NAA15: variants seen among roughly 807,000 people sequenced by gnomAD.
NAA15 encodes the protein N-alpha-acetyltransferase 15, NatA auxiliary subunit.
In NAA15, 34 loss-of-function variants were observed where a neutral mutation model predicts 114.0. The observed-to-expected ratio is 0.30, with a 90% CI of 0.23 to 0.40. The LOEUF is 0.40. NAA15 is among the 10% of genes least tolerant of loss of function. NAA15 has a pLI of 1.00. For missense variants in NAA15, 658 were observed against 1,004.5 expected, an observed-to-expected ratio of 0.66 and a Z score of 4.66; for synonymous variants, 340 against 338.0, an observed-to-expected ratio of 1.01 and a Z score of -0.06.
At chr4:139,340,542 T>C (rs1053126833) in intron 3 of NAA15, among the ~76,000 whole-genome samples, 2 of 152,180 alleles carry the variant, frequency 1.3e-5, no homozygotes, top group Non-Finnish European at 2.9e-5. Flanking sequence ...TGTTTACATA[T>C]ATATATATTG....
At chr4:139,304,479 C>T (rs1314334697) in intron 1 of NAA15, among the ~76,000 whole-genome samples, 1 of 152,178 alleles carries the variant, frequency 6.6e-6, no homozygotes, top group Admixed American at 6.5e-5. Flanking sequence ...TTTCAGGATC[C>T]CGCGAGATTC....
rs35008407 is a variant in NAA15 at position 139,385,283 on chromosome 4, A to AATAT, written c.2302+319_2302+322dup. On this transcript the variant is annotated intron_variant, in intron 18 of 19. Coordinates refer to ENST00000296543, the MANE Select transcript of NAA15 (RefSeq NM_057175.5). Reference sequence around the variant, plus strand: ...AACAAAACCAAACATATATATATATAATATATATATATATATAATATATAT... The same window carrying AATAT: ...AACAAAACCAAACATATATATATATAATATATATATATATATATATAATATATAT... 8.9e-3 allele frequency among the ~76,000 whole-genome samples: 895 copies of AATAT among 100,308 alleles called. 35 individuals carry two copies. Among genetic ancestry groups the AATAT allele is most frequent in the South Asian group, 0.026 (96 of 3,660 alleles). The allele number at this position is 100,308 out of a possible 152,430, so 65.8% of individuals were successfully genotyped here.
rs1214615892 is a variant in NAA15 at position 139,389,220 on chromosome 4, A to G, written c.*1136A>G. The stretch of plus-strand genomic sequence containing the variant: ...TTTTTTTTTTTTTTTTTTTTTTCAA[A>G]TAACAGACCAGCTTCTTTTTCTTGC... On this transcript the variant is annotated 3_prime_UTR_variant, in exon 20 of 20. Transcript: ENST00000296543. 6.7e-6 allele frequency: 1 copy of G among 148,424 alleles called. No individual in the cohort carries two copies. Among genetic ancestry groups the G allele is most frequent in the Non-Finnish European group, 1.5e-5 (1 of 67,304 alleles). The allele number at this position is 148,424 out of a possible 1,614,324, so 9.2% of individuals were successfully genotyped here.
At chr4:139,382,613 C>T (rs186186502) in intron 17 of NAA15, among the ~76,000 whole-genome samples, 2 of 152,188 alleles carry the variant, frequency 1.3e-5, no homozygotes, top group East Asian at 1.9e-4. Flanking sequence ...AATGTCATTG[C>T]AGTTGGCTGT....
At chr4:139,346,554 A>AT (rs35062126) in intron 6 of NAA15, among the ~76,000 whole-genome samples, 2,726 of 148,188 alleles carry the variant, frequency 0.018, 34 homozygotes, top group African/African-American at 0.026. Context: ...CAAAAAAAAA[A>AT]TTTTTTTTTT....
chr4:139,312,632 TCG>T (rs1746259175), intron 1 of NAA15, among the ~76,000 whole-genome samples: 1 of 151,754 alleles, frequency 6.6e-6, no homozygotes, highest in Non-Finnish European at 1.5e-5. Context: ...TCTCTTGAAG[TCG>T]GGAGTTTGAG....
At chr4:139,367,716 TA>T (rs914073876) in intron 14 of NAA15, among the ~76,000 whole-genome samples, 1 of 152,202 alleles carries the variant, frequency 6.6e-6, no homozygotes, top group Non-Finnish European at 1.5e-5. Flanking sequence ...CCTCTTGACA[TA>T]TTTTTTGATC....
intron 16 of NAA15, among the ~76,000 whole-genome samples, chr4:139,377,035 A>G (rs1419718421): frequency 2.0e-5 from 3 of 152,206 alleles, no homozygotes; most frequent in Non-Finnish European, 2.9e-5. Flanking sequence ...TGCTTAGAAT[A>G]TATATGTAGT....
At chr4:139,359,099 C>T (rs1748055234) in intron 11 of NAA15, among the ~76,000 whole-genome samples, 2 of 150,852 alleles carry the variant, frequency 1.3e-5, no homozygotes, top group Admixed American at 6.6e-5. Context: ...AGTGAGACTC[C>T]CATCTCAAAA....
chr4:139,304,165 G>A (rs556639560), intron 1 of NAA15, among the ~76,000 whole-genome samples: 4 of 152,312 alleles, frequency 2.6e-5, no homozygotes, highest in South Asian at 2.1e-4. Flanking sequence ...TGATCCGCCC[G>A]CCTCGGCCTT....
In NAA15 at chr4:139,354,016, T is replaced by A; in HGVS notation, c.1015-10T>A. On this transcript the variant is annotated splice_polypyrimidine_tract_variant and intron_variant, in intron 9 of 19. Coordinates refer to ENST00000296543, the MANE Select transcript of NAA15 (RefSeq NM_057175.5). ...TTCTATTAAAGTGTGTTTGTGTGTT[T>A]GTACTCTAGGTGGCAATCATAGAAG... is the stretch of plus-strand genomic sequence containing the variant. The A allele has an allele frequency of 6.2e-7, 1 of 1,608,180 alleles. No individual in the cohort carries two copies. Among genetic ancestry groups the A allele is most frequent in the Non-Finnish European group, 8.5e-7 (1 of 1,176,532 alleles).
intron 9 of NAA15, 50 bp downstream of exon 9, chr4:139,351,661 A>G (rs1323422965): frequency 2.1e-6 from 2 of 932,728 alleles, no homozygotes; most frequent in Non-Finnish European, 3.5e-6. Context: ...TTTGCTCGGT[A>G]TTTGGAATTA....
chr4:139,336,714 C>T (rs1747212365), intron 2 of NAA15, 134 bp from the exon 3 acceptor site: 1 of 440,808 alleles, frequency 2.3e-6, no homozygotes, highest in Non-Finnish European at 3.8e-6. Context: ...TGGAAAGTAT[C>T]TTAGTAATCT....
chr4:139,362,698 C>T (rs1174789879), intron 14 of NAA15, among the ~76,000 whole-genome samples: 1 of 152,110 alleles, frequency 6.6e-6, no homozygotes, highest in Non-Finnish European at 1.5e-5. Context: ...TGCACAGTGA[C>T]TTATCATTTG....
Position 139,357,482 on chromosome 4 carries a change from A to T in NAA15, c.1184A>T (p.Glu395Val). The change falls in exon 11 of 20, where the codon GAG becomes GTG. Residue 395 changes from glutamate (E) to valine (V), a missense_variant. Physicochemically the swap from Glu to Val is moderately radical, Grantham distance 121. Transcript: ENST00000296543. ...DKIGQPSIAL[E>V]YINTAIESTP... ...ATTGGTCAGCCATCTATTGCTTTGG[A>T]GTACATAAATACTGCTATTGAAAGT... The T allele has an allele frequency of 6.2e-7, 1 of 1,613,194 alleles. No homozygotes were observed. Among genetic ancestry groups the T allele is most frequent in the Non-Finnish European group, 8.5e-7 (1 of 1,179,202 alleles).
At position 139,344,291 on chromosome 4, in the gene NAA15, A is replaced by G; in HGVS notation, c.643A>G (p.Thr215Ala). 1.2e-6 allele frequency: 2 copies of G among 1,612,128 alleles called. No individual in the cohort carries two copies. Among genetic ancestry groups the G allele is most frequent in the Non-Finnish European group, 1.7e-6 (2 of 1,179,208 alleles). ...TAGAGAAGCTTTGGAACATCTTTGT[A>G]CCTATGAAAAGCAGATTTGTGATAA... ...LYREALEHLC[T>A]YEKQICDKLA... The change falls in exon 6 of 20, where the codon ACC becomes GCC. Residue 215 changes from threonine (T) to alanine (A), a missense_variant. Thr to Ala is a moderately conservative substitution (Grantham distance 58). Coordinates refer to ENST00000296543, the MANE Select transcript of NAA15 (RefSeq NM_057175.5).
Position 139,301,629 on chromosome 4 carries a change from T to G in NAA15, c.-149T>G. On this transcript the variant is annotated 5_prime_UTR_variant, in exon 1 of 20. Transcript: ENST00000296543. The stretch of plus-strand genomic sequence containing the variant: ...AACGAGGAAAAAGGAGGTGTCCGGG[T>G]AGGGCAACGCGGCGACACCCGAGGC... 1 of 796,350 alleles carries G rather than the reference T, an allele frequency of 1.3e-6. No individual in the cohort carries two copies. Among genetic ancestry groups the G allele is most frequent in the Non-Finnish European group, 2.0e-6 (1 of 506,932 alleles). The allele number at this position is 796,350 out of a possible 1,614,324, so 49.3% of individuals were successfully genotyped here.
intron 17 of NAA15, among the ~76,000 whole-genome samples, chr4:139,380,969 T>C (rs776195345): frequency 6.6e-6 from 1 of 152,220 alleles, no homozygotes; most frequent in African/African-American, 2.4e-5. Context: ...TGTTAAGATA[T>C]ACTGTTGTAA....
In NAA15 at chr4:139,361,947, T is replaced by G; in HGVS notation, c.1753+10T>G. 1 of 1,579,516 alleles carries G rather than the reference T, an allele frequency of 6.3e-7. No individual in the cohort carries two copies. Among genetic ancestry groups the G allele is most frequent in the Non-Finnish European group, 8.7e-7 (1 of 1,155,920 alleles). On this transcript the variant is annotated intron_variant, in intron 14 of 19. Coordinates refer to ENST00000296543, the MANE Select transcript of NAA15 (RefSeq NM_057175.5). ...CACGAAGCTGATACAGGTATAATAT[T>G]CAGAGTTCTTCTTGTGCTCTGATGT...
Sources: gnomAD v4.1 joint callset for allele counts (sites outside exome capture counted in the v4.1 genomes callset) on GRCh38, gnomAD v4.1.1 for gene constraint, MANE v1.5 for transcripts, NCBI Gene and HGNC (gene_info 2026-07-23, HGNC 2026-07-21) for gene names.